Variants in GRID2 observed in about 807,000 individuals in gnomAD.
GRID2 encodes glutamate receptor ionotropic, delta-2.
Under a neutral mutation model 114.8 loss-of-function variants are expected in GRID2, and 33 were observed. That is an observed-to-expected ratio of 0.29 (90% CI 0.22 to 0.38). The LOEUF (loss-of-function observed/expected upper bound fraction) is 0.38, where lower values mean the gene tolerates loss of function less well. Among genes scored for constraint, GRID2 ranks in the 10% least tolerant of loss-of-function variants. The pLI is 1.00. For synonymous variants in GRID2, 505 were observed against 449.9 expected (o/e 1.12, Z -1.55); for missense variants, 1,184 against 1,257.7 (o/e 0.94, Z 0.89).
intron 2 of GRID2, among the ~76,000 whole-genome samples, chr4:92,788,892 C>T (rs1198632264): frequency 1.3e-5 from 2 of 151,390 alleles, no homozygotes; most frequent in Non-Finnish European, 1.5e-5. Context: ...AGTAACTTTC[C>T]AGGTTATTGG....
chr4:93,726,418 T>A (rs1157202831), intron 14 of GRID2, among the ~76,000 whole-genome samples: 2 of 152,236 alleles, frequency 1.3e-5, no homozygotes, highest in Non-Finnish European at 2.9e-5. Context: ...TCAGGTAGCA[T>A]GATGCCTCCA....
intron 2 of GRID2, among the ~76,000 whole-genome samples, chr4:92,927,007 C>A (rs1749858244): frequency 2.6e-5 from 4 of 151,848 alleles, no homozygotes. Context: ...TATATCCCAA[C>A]CAGCTCTCCT....
chr4:92,930,625 A>C (rs1750160090), intron 2 of GRID2, among the ~76,000 whole-genome samples: 1 of 130,016 alleles, frequency 7.7e-6, no homozygotes. Context: ...GAATAAATTT[A>C]CAACATGTGA....
intron 8 of GRID2, among the ~76,000 whole-genome samples, chr4:93,357,341 G>A (rs1032465478): frequency 4.0e-5 from 6 of 150,714 alleles, no homozygotes; most frequent in Non-Finnish European, 8.9e-5. Context: ...ATTAATTCAA[G>A]AGGACTCCAT....
At chr4:92,760,237 CAAAAAAA>C (rs982301426) in intron 2 of GRID2, among the ~76,000 whole-genome samples, 54 of 38,408 alleles carry the variant, frequency 1.4e-3, no homozygotes, top group South Asian at 5.0e-3. Context: ...GACTCTGTCT[CAAAAAAA>C]AAAAAAAAAA....
intron 5 of GRID2, among the ~76,000 whole-genome samples, chr4:93,212,487 T>C (rs904951340): frequency 6.6e-6 from 1 of 152,150 alleles, no homozygotes. Flanking sequence ...AGCCTTTCCG[T>C]GCAAGTATTG....
intron 4 of GRID2, among the ~76,000 whole-genome samples, chr4:93,197,095 C>T (rs1201763098): frequency 6.6e-6 from 1 of 152,126 alleles, no homozygotes; most frequent in African/African-American, 2.4e-5. Flanking sequence ...ATGGTTTAGT[C>T]TCTTTCTCTA....
chr4:92,724,652 T>A (rs953081069), intron 2 of GRID2, among the ~76,000 whole-genome samples: 8 of 152,150 alleles, frequency 5.3e-5, no homozygotes, highest in African/African-American at 1.9e-4. Flanking sequence ...CTTCTACCAC[T>A]ATTAACTGTA....
At chr4:92,938,956 G>C (rs1174051771) in intron 2 of GRID2, among the ~76,000 whole-genome samples, 1 of 147,176 alleles carries the variant, frequency 6.8e-6, no homozygotes, top group Non-Finnish European at 1.5e-5. Context: ...TCTTAATCCA[G>C]TCTATCATTG....
intron 2 of GRID2, among the ~76,000 whole-genome samples, chr4:92,749,954 C>G (rs1254738740): frequency 1.3e-5 from 2 of 150,182 alleles, no homozygotes; most frequent in Non-Finnish European, 3.0e-5. Context: ...CTCTGCCTCC[C>G]TAGTTCCAGC....
chr4:93,376,599 T>A (rs1905709), intron 8 of GRID2, among the ~76,000 whole-genome samples: 28,266 of 152,104 alleles, frequency 0.19, 4,919 homozygotes, highest in African/African-American at 0.46. Context: ...TACTGACTGG[T>A]TATTTGATGA....
intron 10 of GRID2, among the ~76,000 whole-genome samples, chr4:93,438,301 C>T (rs762234043): frequency 2.6e-5 from 4 of 151,988 alleles, no homozygotes; most frequent in Non-Finnish European, 5.9e-5. Flanking sequence ...ACCCAGGGGC[C>T]GAATGGCAGC....
At chr4:93,341,422 A>G (rs1011259287) in intron 8 of GRID2, among the ~76,000 whole-genome samples, 1 of 151,890 alleles carries the variant, frequency 6.6e-6, no homozygotes, top group Non-Finnish European at 1.5e-5. Context: ...CCTCCTGGGT[A>G]CAAGCAACTC....
At chr4:92,634,450 AT>A (rs1730964216) in intron 2 of GRID2, among the ~76,000 whole-genome samples, 1 of 152,272 alleles carries the variant, frequency 6.6e-6, no homozygotes, top group African/African-American at 2.4e-5. Flanking sequence ...GCCCTTTTGC[AT>A]TTGAACAAAA....
At chr4:92,482,020 A>C (rs1332026247) in intron 1 of GRID2, among the ~76,000 whole-genome samples, 1 of 70,916 alleles carries the variant, frequency 1.4e-5, no homozygotes, top group African/African-American at 4.9e-5. Flanking sequence ...ATATATATAT[A>C]TATATATATA....
chr4:93,709,064 T>A lies in GRID2; in HGVS notation c.2361-60146T>A, dbSNP rs551517391. Among the ~76,000 whole-genome samples the A allele has an allele frequency of 3.9e-5, 6 of 152,140 alleles. No homozygotes were observed. The South Asian group carries it at 1.2e-3, about 32-fold the overall frequency. ...ACTGTTTTAAGTCTTGAAAAGTTGT[T>A]GTAGTTGTTATGTTTGACAGATTCA... On this transcript the variant is annotated intron_variant, in intron 14 of 15. Coordinates refer to ENST00000282020, the MANE Select transcript of GRID2 (RefSeq NM_001510.4).
chr4:93,279,090 T>C (rs957688541), intron 8 of GRID2, among the ~76,000 whole-genome samples: 1 of 151,834 alleles, frequency 6.6e-6, no homozygotes, highest in Admixed American at 6.6e-5. Flanking sequence ...TTAATTATAT[T>C]TGATTACCCT....
Position 92,940,615 on chromosome 4 carries a change from G to A in GRID2, c.245-144380G>A, listed in dbSNP as rs533632822. ...ACTTCCAACACTATTTTGAATAGGAGTGGTGAGAGAGGGCATCCCTGTCTT... is the reference window on the plus strand; with the variant it reads ...ACTTCCAACACTATTTTGAATAGGAATGGTGAGAGAGGGCATCCCTGTCTT... On this transcript the variant is annotated intron_variant, in intron 2 of 15. Coordinates refer to ENST00000282020, the MANE Select transcript of GRID2 (RefSeq NM_001510.4). Among the ~76,000 whole-genome samples, 16 of 152,284 alleles carry A rather than the reference G, an allele frequency of 1.1e-4. No homozygotes were observed. The South Asian group carries it at 2.1e-3, about 20-fold the overall frequency.
intron 2 of GRID2, among the ~76,000 whole-genome samples, chr4:92,867,092 G>T (rs550790435): frequency 5.9e-5 from 9 of 152,050 alleles, no homozygotes; most frequent in African/African-American, 2.2e-4. Flanking sequence ...TAAGAATACC[G>T]ATACTGTATT....
Sources: allele counts gnomAD v4.1 joint callset (sites outside exome capture counted in the v4.1 genomes callset), GRCh38; gene constraint gnomAD v4.1.1; transcripts MANE v1.5; gene names NCBI Gene and HGNC (gene_info 2026-07-23, HGNC 2026-07-21).